Variants in SRCIN1 observed in about 807,000 individuals in gnomAD.
SRCIN1 encodes P130Cas-associated protein.
In SRCIN1, 50 loss-of-function variants were observed where a neutral mutation model predicts 116.2. The ratio of observed to expected loss-of-function variants is 0.43; its 90% CI spans 0.34 to 0.54. The LOEUF is 0.54. SRCIN1 is among the 20% of genes least tolerant of loss of function. The pLI is 0.02. For missense variants in SRCIN1, 1,446 were observed against 1,672.0 expected (o/e 0.86, Z 2.36); for synonymous variants, 736 against 750.0 (o/e 0.98, Z 0.30).
rs1363763598 is a variant in SRCIN1, at chr17:38,572,281, C to A, written c.325-4050G>T. ...CCCCTCCTCGGGCGCCTGCCCCCAC[C>A]GCGATGTACATGCATGACCCTCTCT... is the stretch of plus-strand genomic sequence containing the variant. On this transcript the variant is annotated intron_variant, in intron 2 of 18. Coordinates refer to ENST00000617146, the MANE Select transcript of SRCIN1 (RefSeq NM_025248.3). The surrounding 1 kb of genome is among the most constrained non-coding windows in gnomAD (Gnocchi z 4.3). Among the ~76,000 whole-genome samples the A allele has an allele frequency of 2.0e-5, 3 of 149,210 alleles. No individual in the cohort carries two copies. Among genetic ancestry groups the A allele is most frequent in the Admixed American group, 1.4e-4 (2 of 14,552 alleles).
chr17:38,592,826 T>TG (rs1280184532), intron 1 of SRCIN1, among the ~76,000 whole-genome samples: 2 of 149,406 alleles, frequency 1.3e-5, no homozygotes, highest in Admixed American at 6.7e-5. Context: ...CTTTTTTTGT[T>TG]GGGGGGGTTG....
Position 38,561,602 on chromosome 17 carries a change from C to G in SRCIN1, c.1561G>C (p.Glu521Gln). 6.3e-7 allele frequency: 1 copy of G among 1,593,026 alleles called. No individual in the cohort carries two copies. Among genetic ancestry groups the G allele is most frequent in the Non-Finnish European group, 8.5e-7 (1 of 1,170,256 alleles). Residue 521 changes from glutamate (E) to glutamine (Q), a missense_variant, in exon 7 of 19, where the codon GAG (glutamate) becomes CAG (glutamine). Physicochemically the swap from Glu to Gln is conservative, Grantham distance 29 (BLOSUM62 2). Coordinates refer to ENST00000617146, the MANE Select transcript of SRCIN1 (RefSeq NM_025248.3). ...KDSGSSSVFA[E>Q]SPGGKTRSAG... ...CTGCGGGTCTTCCCTCCAGGACTCT[C>G]GGCAAAGACGGACGAGGAGCCCGAG...
intron 1 of SRCIN1, among the ~76,000 whole-genome samples, chr17:38,589,820 C>T (rs112698311): frequency 0.019 from 2,863 of 152,288 alleles, 95 homozygotes; most frequent in African/African-American, 0.064. Flanking sequence ...AACAAACAGC[C>T]GAATCTGCAG....
chr17:38,534,903 T>C (rs1449085230), intron 18 of SRCIN1, among the ~76,000 whole-genome samples: 1 of 152,022 alleles, frequency 6.6e-6, no homozygotes, highest in Non-Finnish European at 1.5e-5. Context: ...TGAGGCAGGA[T>C]TGCTTGAGCC....
intron 1 of SRCIN1, among the ~76,000 whole-genome samples, chr17:38,597,832 C>T (rs970697185): frequency 6.6e-6 from 1 of 152,158 alleles, no homozygotes. Context: ...GATTTCTCTT[C>T]GGCTCTGCCT....
chr17:38,597,338 A>G (rs1233144566), intron 1 of SRCIN1, among the ~76,000 whole-genome samples: 1 of 152,236 alleles, frequency 6.6e-6, no homozygotes, highest in East Asian at 1.9e-4. Flanking sequence ...CCAGCCCCAG[A>G]CAGGCTGAGG....
intron 17 of SRCIN1, chr17:38,547,816 C>T (rs1208332667): frequency 9.4e-6 from 2 of 212,392 alleles, no homozygotes; most frequent in Non-Finnish European, 1.9e-5. Flanking sequence ...GGGGGGACAG[C>T]AAGGTGGGGA....
rs1909326337 is a variant in SRCIN1, at chr17:38,605,786, C to A, written c.-81G>T. 1.7e-6 allele frequency: 1 copy of A among 598,122 alleles called. No individual in the cohort carries two copies. The highest frequency in any genetic ancestry group is 7.2e-5 in the South Asian group (1 of 13,922). 37.1% of individuals were successfully genotyped at this position (598,122 alleles called of 1,614,324 possible). On this transcript the variant is annotated 5_prime_UTR_variant, in exon 1 of 19. Coordinates refer to ENST00000617146, the MANE Select transcript of SRCIN1 (RefSeq NM_025248.3). ...CTCGCCGCCTCGCGGGCTCCTCGCT[C>A]GGCCCCAGCCCCGGGGCGCGGTGCC...
At position 38,533,351 on chromosome 17, in the gene SRCIN1, G is replaced by T; in HGVS notation, c.3498C>A (p.Thr1166=). The change falls in exon 19 of 19, where the codon ACC becomes ACA. Residue 1166 remains threonine (T), a synonymous_variant. Coordinates refer to ENST00000617146, the MANE Select transcript of SRCIN1 (RefSeq NM_025248.3). ...PVSEKPSASR[T]SIPVLTSFGA... ...CAAAGGAAGTCAATACAGGGATAGA[G>T]GTTCTGGAAGCCGAGGGCTTTTCTG... 1 of 1,605,116 alleles carries T rather than the reference G, an allele frequency of 6.2e-7. No homozygotes were observed.
chr17:38,548,928 C>T (rs1048038675), intron 16 of SRCIN1, 128 bp downstream of exon 16: 2 of 1,273,876 alleles, frequency 1.6e-6, no homozygotes, highest in Admixed American at 2.8e-5. Flanking sequence ...CGCCACCGGC[C>T]ACTCCCTCTT....
intron 1 of SRCIN1, among the ~76,000 whole-genome samples, chr17:38,591,404 C>G (rs758984565): frequency 6.6e-6 from 1 of 152,196 alleles, no homozygotes; most frequent in Non-Finnish European, 1.5e-5. Flanking sequence ...TGGCCCAGCC[C>G]CCCAGCCATC....
rs776560637 is a variant in SRCIN1 at position 38,552,758 on chromosome 17, T to C, written c.2299A>G (p.Lys767Glu). Residue 767 changes from lysine (K) to glutamate (E), a missense_variant, in exon 12 of 19, where the codon AAG becomes GAG. Transcript: ENST00000617146. This position sits in a 1 kb window ranked among gnomAD's most constrained non-coding sequence, Gnocchi z 5.3. ...TCTGTCAGCGTCTCCCCGAGCTGCT[T>C]CAGCACCAGTGCCTTCTCCTCCAGC... ...PELEEKALVL[K>E]QLGETLTELK... is the part of the protein sequence containing the mutation. 6.2e-7 allele frequency: 1 copy of C among 1,613,850 alleles called. No homozygotes were observed. Among genetic ancestry groups the C allele is most frequent in the Non-Finnish European group, 8.5e-7 (1 of 1,179,892 alleles).
chr17:38,548,489 C>T (rs1905194007), intron 17 of SRCIN1, 68 bp downstream of exon 17: 8 of 1,587,014 alleles, frequency 5.0e-6, no homozygotes, highest in African/African-American at 1.3e-5. Flanking sequence ...GTCACCTGGC[C>T]TGGGGGGCAG....
At chr17:38,606,729 C>A (rs927650667), upstream of SRCIN1, among the ~76,000 whole-genome samples, 1 of 152,218 alleles carries the variant, frequency 6.6e-6, no homozygotes, top group African/African-American at 2.4e-5. The surrounding 1 kb of genome is among the most constrained non-coding windows in gnomAD (Gnocchi z 5.2). Flanking sequence ...TGCCGTCCCC[C>A]GCCCCTCCGC....
chr17:38,538,726 C>T lies in SRCIN1; in HGVS notation c.3417+5097G>A, dbSNP rs1794299604. Among the ~76,000 whole-genome samples, 4 of 152,142 alleles carry T rather than the reference C, an allele frequency of 2.6e-5. No individual in the cohort carries two copies. In the South Asian group the frequency reaches 8.3e-4, roughly 32 times the overall value. On this transcript the variant is annotated intron_variant, in intron 18 of 18. Transcript: ENST00000617146. ...CCTTCTAGAATTCTCGTCACAAGCG[C>T]GATCTCATCGAGGCTTGCTCACACC...
intron 11 of SRCIN1, among the ~76,000 whole-genome samples, chr17:38,555,065 A>C (rs1463953262): frequency 1.3e-5 from 2 of 152,216 alleles, no homozygotes; most frequent in East Asian, 3.8e-4. Flanking sequence ...TGTATTACGC[A>C]CTTACTGTAT....
chr17:38,587,202 C>CA (rs755641516), intron 1 of SRCIN1, among the ~76,000 whole-genome samples: 1 of 152,076 alleles, frequency 6.6e-6, no homozygotes, highest in Non-Finnish European at 1.5e-5. Flanking sequence ...GAGGCCCACC[C>CA]ACCACATCAG....
At position 38,551,831 on chromosome 17, in the gene SRCIN1, G is replaced by GT. The variant is rs778851989; in HGVS notation, c.2727+54dup. 9.3e-6 allele frequency: 15 copies of GT among 1,608,268 alleles called. No homozygotes were observed. In the South Asian group the frequency reaches 1.3e-4, roughly 14 times the overall value. On this transcript the variant is annotated intron_variant, in intron 14 of 18. Transcript: ENST00000617146. ...ACTCCCCACTCTAGGAAGGATGGTC[G>GT]TAAGAATGTGTGAACCTGGCTCATG...
At chr17:38,556,153 G>C (rs1905772873) in intron 11 of SRCIN1, among the ~76,000 whole-genome samples, 1 of 152,296 alleles carries the variant, frequency 6.6e-6, no homozygotes, top group Middle Eastern at 3.4e-3. Context: ...AGTCAAAATG[G>C]AACCAGCTAA....
Sources: allele counts gnomAD v4.1 joint callset (sites outside exome capture counted in the v4.1 genomes callset), GRCh38; gene constraint gnomAD v4.1.1; non-coding constraint Gnocchi (gnomAD v3.1); transcripts MANE v1.5; gene names NCBI Gene and HGNC (gene_info 2026-07-23, HGNC 2026-07-21).